Variants in MEAF6 observed in about 807,000 individuals in gnomAD.
The protein encoded by MEAF6 is MYST/Esa1 associated factor 6, also known as chromatin modification-related protein MEAF6.
A neutral mutation model predicts 28.9 loss-of-function variants in MEAF6; 15 were observed. That is an observed-to-expected ratio of 0.52 (90% CI 0.35 to 0.80). The LOEUF (loss-of-function observed/expected upper bound fraction) is 0.80. MEAF6 is among the 30% of genes least tolerant of loss of function. The pLI is 0.01. For synonymous variants in MEAF6, 97 were observed against 88.7 expected (o/e 1.09, Z -0.53); for missense variants, 178 against 237.5 (o/e 0.75, Z 1.65).
At chr1:37,498,351 G>C (rs1557605290) in intron 5 of MEAF6, among the ~76,000 whole-genome samples, 2 of 151,738 alleles carry the variant, frequency 1.3e-5, no homozygotes, top group African/African-American at 2.4e-5. Flanking sequence ...AAACTTTACA[G>C]ACTATCTAAA....
In MEAF6 at chr1:37,490,765, G is replaced by A. The variant is rs902002104; in HGVS notation, c.*3334C>T. 5.3e-5 allele frequency among the ~76,000 whole-genome samples: 8 copies of A among 152,154 alleles called. No individual in the cohort carries two copies. Among genetic ancestry groups the A allele is most frequent in the African/African-American group, 1.7e-4 (7 of 41,422 alleles). The stretch of plus-strand genomic sequence containing the variant: ...CATTAGGCCGGGTGCAGTGGCTCAC[G>A]CCTGTAATCCTAGCACTTTGGGAGG... On this transcript the variant is annotated 3_prime_UTR_variant, in exon 7 of 7. Coordinates refer to ENST00000296214, the MANE Select transcript of MEAF6 (RefSeq NM_001270875.3).
At chr1:37,506,220 A>C (rs1642477609) in intron 4 of MEAF6, among the ~76,000 whole-genome samples, 1 of 152,128 alleles carries the variant, frequency 6.6e-6, no homozygotes, top group Non-Finnish European at 1.5e-5. Flanking sequence ...GTGGTGAGCC[A>C]AGATAGTGCC....
chr1:37,508,637 A>G (rs771252935), intron 4 of MEAF6, among the ~76,000 whole-genome samples: 1 of 152,040 alleles, frequency 6.6e-6, no homozygotes, highest in Non-Finnish European at 1.5e-5. Flanking sequence ...GATTTATAAG[A>G]TATATTTGAA....
chr1:37,491,319 T>A lies in MEAF6; in HGVS notation c.*2780A>T, dbSNP rs1381389870. Among the ~76,000 whole-genome samples the A allele has an allele frequency of 6.6e-6, 1 of 151,960 alleles. No homozygotes were observed. Among genetic ancestry groups the A allele is most frequent in the Non-Finnish European group, 1.5e-5 (1 of 67,990 alleles). ...CAGGAGTTCGAGACCAGCCTGCCCA[T>A]CATGGCAAAACCCCATCTCCACTAA... is the stretch of plus-strand genomic sequence containing the variant. On this transcript the variant is annotated 3_prime_UTR_variant, in exon 7 of 7. Coordinates refer to ENST00000296214, the MANE Select transcript of MEAF6 (RefSeq NM_001270875.3).
chr1:37,496,781 T>C (rs1389423818), intron 5 of MEAF6: 2 of 1,565,238 alleles, frequency 1.3e-6, no homozygotes, highest in African/African-American at 1.4e-5. Context: ...GAAATTAATA[T>C]ACTAATTGAA....
chr1:37,498,389 TAA>T (rs1332114726), intron 5 of MEAF6, among the ~76,000 whole-genome samples: 1 of 149,502 alleles, frequency 6.7e-6, no homozygotes, highest in African/African-American at 2.5e-5. Flanking sequence ...CAGAAACTTA[TAA>T]GAGTAGCTAT....
rs762490162 is a variant in MEAF6 at position 37,501,862 on chromosome 1, T to G, written c.475A>C (p.Thr159Pro). 6.2e-7 allele frequency: 1 copy of G among 1,607,246 alleles called. No individual in the cohort carries two copies. Among genetic ancestry groups the G allele is most frequent in the Non-Finnish European group, 8.5e-7 (1 of 1,174,862 alleles). Reference protein sequence around the residue: ...GVKPQKAASSTSSGSHHSSHK... With the variant: ...GVKPQKAASSPSSGSHHSSHK... ...CTGCTGTGGTGACTCCCTGAGGAAG[T>G]AGAAGAAGCAGCCTTCTGAGGTTTC... Residue 159 changes from threonine to proline, a missense_variant, in exon 5 of 7, where the codon ACT (threonine) becomes CCT (proline). By Grantham distance (38) the Thr-to-Pro change is conservative. Around this residue, in one of 2 missense-constraint regions of MEAF6, gnomAD observed 124 missense variants for 200.5 expected, o/e 0.62. Transcript: ENST00000296214.
chr1:37,500,261 C>T (rs1422635300), intron 5 of MEAF6, among the ~76,000 whole-genome samples: 2 of 150,904 alleles, frequency 1.3e-5, no homozygotes, highest in African/African-American at 4.9e-5. Context: ...TGCCACTGCA[C>T]TCCAGCCTGG....
At chr1:37,495,148 C>T (rs1376638990) in intron 6 of MEAF6, among the ~76,000 whole-genome samples, 6 of 151,326 alleles carry the variant, frequency 4.0e-5, no homozygotes, top group Non-Finnish European at 7.4e-5. Context: ...GCATGACCAA[C>T]ATGGTGAAAC....
chr1:37,493,775 A>G lies in MEAF6; in HGVS notation c.*324T>C, dbSNP rs1557602485. ...GAACATTTCTTGAAGGGTATCACAG[A>G]TGAAGCTGGTGCCAGCCAGTTTTGG... On this transcript the variant is annotated 3_prime_UTR_variant, in exon 7 of 7. Coordinates refer to ENST00000296214, the MANE Select transcript of MEAF6 (RefSeq NM_001270875.3). 6.4e-7 allele frequency: 1 copy of G among 1,550,554 alleles called. No homozygotes were observed. The highest frequency in any genetic ancestry group is 8.7e-7 in the Non-Finnish European group (1 of 1,146,792).
chr1:37,502,112 A>G, intron 4 of MEAF6, 116 bp from the exon 5 acceptor site: 1 of 66,318 alleles, frequency 1.5e-5, no homozygotes, highest in African/African-American at 6.8e-5. Context: ...TCTAATTGAC[A>G]GAGAAGATAC....
intron 4 of MEAF6, among the ~76,000 whole-genome samples, chr1:37,508,032 A>C (rs1569982434): frequency 6.6e-6 from 1 of 152,164 alleles, no homozygotes; most frequent in East Asian, 1.9e-4. Context: ...AGAAGTACAC[A>C]GTAATACCGA....
At chr1:37,495,677 T>A (rs1416569797) in intron 6 of MEAF6, among the ~76,000 whole-genome samples, 2 of 102,072 alleles carry the variant, frequency 2.0e-5, no homozygotes, top group Non-Finnish European at 3.9e-5. Context: ...AGCAAGAAAC[T>A]GTCTCTCAAA....
At chr1:37,510,250 T>C (rs1162551435) in intron 2 of MEAF6, among the ~76,000 whole-genome samples, 1 of 151,772 alleles carries the variant, frequency 6.6e-6, no homozygotes, top group Non-Finnish European at 1.5e-5. Context: ...GCTAATTCTT[T>C]TTTTGTATCT....
intron 4 of MEAF6, among the ~76,000 whole-genome samples, chr1:37,508,567 G>A (rs1642563584): frequency 6.6e-6 from 1 of 152,044 alleles, no homozygotes; most frequent in Non-Finnish European, 1.5e-5. Flanking sequence ...TTACAGGTGT[G>A]AGCCACTGCA....
At chr1:37,496,741 G>A in intron 5 of MEAF6, 1 of 1,596,320 alleles carries the variant, frequency 6.3e-7, no homozygotes, top group Non-Finnish European at 8.5e-7. Flanking sequence ...GACGGGCTGA[G>A]GGGCAGCATT....
chr1:37,513,072 C>T (rs1191577096), intron 2 of MEAF6, among the ~76,000 whole-genome samples: 1 of 152,034 alleles, frequency 6.6e-6, no homozygotes, highest in Non-Finnish European at 1.5e-5. Context: ...CACCTGTAAT[C>T]CCAGCTACTC....
intron 5 of MEAF6, chr1:37,500,822 G>C (rs1642276522): frequency 1.3e-5 from 2 of 152,890 alleles, no homozygotes; most frequent in Admixed American, 6.5e-5. Context: ...CTGGAGAACA[G>C]GGAATGCCAC....
intron 4 of MEAF6, among the ~76,000 whole-genome samples, chr1:37,505,063 T>C (rs1642438353): frequency 1.3e-5 from 2 of 152,038 alleles, no homozygotes; most frequent in African/African-American, 4.8e-5. Context: ...TTTGTATTTT[T>C]AGTAAAGACG....
Sources: gnomAD v4.1 joint callset for allele counts (sites outside exome capture counted in the v4.1 genomes callset) on GRCh38, gnomAD v4.1.1 for gene constraint, gnomAD v4.1.1 regional missense constraint, MANE v1.5 for transcripts, NCBI Gene and HGNC (gene_info 2026-07-23, HGNC 2026-07-21) for gene names.